Variants in ADAMTS6 observed in about 807,000 individuals in gnomAD.
ADAMTS6 encodes the protein A disintegrin and metalloproteinase with thrombospondin motifs 6.
A neutral mutation model predicts 144.3 loss-of-function variants in ADAMTS6; 23 were observed. The ratio of observed to expected loss-of-function variants is 0.16; its 90% CI spans 0.11 to 0.23. The LOEUF (loss-of-function observed/expected upper bound fraction) is 0.23. ADAMTS6 is among the 10% of genes least tolerant of loss of function. ADAMTS6 has a pLI of 1.00. For synonymous variants in ADAMTS6, 444 were observed against 457.5 expected (o/e 0.97, Z 0.38); for missense variants, 999 against 1,379.6 (o/e 0.72, Z 4.37).
chr5:65,230,144 C>G (rs1459095441), intron 15 of ADAMTS6, among the ~76,000 whole-genome samples: 1 of 151,154 alleles, frequency 6.6e-6, no homozygotes, highest in Non-Finnish European at 1.5e-5. Context: ...TAGACTGTAA[C>G]ATGAAAAATA....
At chr5:65,269,130 T>A (rs1761862652) in intron 12 of ADAMTS6, among the ~76,000 whole-genome samples, 2 of 152,180 alleles carry the variant, frequency 1.3e-5, no homozygotes, top group Non-Finnish European at 2.9e-5. Flanking sequence ...TGCCAAAGAA[T>A]TTTCTGCCCA....
In ADAMTS6 at chr5:65,291,364, G is replaced by A. The variant is rs775609718; in HGVS notation, c.1477C>T (p.Gln493Ter). 1 of 1,613,874 alleles carries A rather than the reference G, an allele frequency of 6.2e-7. No individual in the cohort carries two copies. Among genetic ancestry groups the A allele is most frequent in the Non-Finnish European group, 8.5e-7 (1 of 1,179,866 alleles). ...VYDADEQCRF[Q>*]YGATSRQCKY... ...CATTGGCGGGAGGTTGCTCCATACTGGAAACGACATTGCTCATCAGCATCA... is the reference window on the plus strand; with the variant it reads ...CATTGGCGGGAGGTTGCTCCATACTAGAAACGACATTGCTCATCAGCATCA... The change falls in exon 11 of 25, where the codon CAG (glutamine) becomes TAG (stop). Residue 493 changes from glutamine (Q) to a stop codon, truncating the protein, a stop_gained. Coordinates refer to ENST00000381055, the MANE Select transcript of ADAMTS6 (RefSeq NM_197941.4). LOFTEE classifies it high-confidence loss of function.
chr5:65,212,948 T>C (rs1321253806), intron 20 of ADAMTS6, among the ~76,000 whole-genome samples: 1 of 152,220 alleles, frequency 6.6e-6, no homozygotes, highest in Non-Finnish European at 1.5e-5. Context: ...TCTAGAAGAC[T>C]TTTTGTTGGA....
At chr5:65,397,204 A>G (rs1453602862) in intron 7 of ADAMTS6, among the ~76,000 whole-genome samples, 1 of 152,116 alleles carries the variant, frequency 6.6e-6, no homozygotes, top group Admixed American at 6.6e-5. Flanking sequence ...TTCTAGTATT[A>G]GTAATCTGCG....
intron 7 of ADAMTS6, among the ~76,000 whole-genome samples, chr5:65,353,825 A>G (rs1749073818): frequency 6.6e-6 from 1 of 151,928 alleles, no homozygotes; most frequent in Admixed American, 6.6e-5. Flanking sequence ...TAGGCAATGG[A>G]AACTTTAGTG....
intron 4 of ADAMTS6, among the ~76,000 whole-genome samples, chr5:65,457,735 T>A (rs936416346): frequency 2.6e-5 from 3 of 114,904 alleles, no homozygotes; most frequent in African/African-American, 1.1e-4. Flanking sequence ...CCTAGTTTTT[T>A]TCTTTCTTTC....
chr5:65,481,187 T>C (rs986621004), intron 1 of ADAMTS6, among the ~76,000 whole-genome samples, 156 bp downstream of exon 1: 9 of 140,720 alleles, frequency 6.4e-5, no homozygotes, highest in African/African-American at 2.1e-4. Context: ...ATTTGTAAAA[T>C]GAGTTCAGTC....
At chr5:65,462,659 A>T (rs1395556520) in intron 3 of ADAMTS6, among the ~76,000 whole-genome samples, 1 of 151,974 alleles carries the variant, frequency 6.6e-6, no homozygotes, top group Non-Finnish European at 1.5e-5. Flanking sequence ...GTATTTATTT[A>T]TTTTTTCACA....
chr5:65,214,546 G>A lies in ADAMTS6; in HGVS notation c.2575+248C>T, dbSNP rs896203482. On this transcript the variant is annotated intron_variant, in intron 20 of 24. Transcript: ENST00000381055. This position sits in a 1 kb window ranked among gnomAD's most constrained non-coding sequence, Gnocchi z 4.6. The stretch of plus-strand genomic sequence containing the variant: ...GCCCACCTTCAAGATAGTCTTGGGA[G>A]AAGCACCAGCAGAGACACTCATTGT... The A allele has an allele frequency of 3.6e-6, 2 of 551,664 alleles. No homozygotes were observed. The highest frequency in any genetic ancestry group is 3.8e-5 in the African/African-American group (2 of 52,788). 34.2% of individuals were successfully genotyped at this position (551,664 alleles called of 1,614,324 possible). A position where few individuals can be genotyped will look rare whatever the true frequency, so the allele number is the denominator to read the frequency against.
Position 65,262,921 on chromosome 5 carries a change from G to T in ADAMTS6, c.1662C>A (p.Pro554=). 2 of 1,613,608 alleles carry T rather than the reference G, an allele frequency of 1.2e-6. No individual in the cohort carries two copies. Among genetic ancestry groups the T allele is most frequent in the Non-Finnish European group, 1.7e-6 (2 of 1,179,814 alleles). ...GACCCCAGCCCCCATCTATGCTCTG[G>T]GGCCAAGTGCCAAAAGGAACACAAT... ...QGDCVPFGTW[P]QSIDGGWGPW... is the part of the protein sequence containing the mutation. The change falls in exon 13 of 25, where the codon CCC becomes CCA. Residue 554 remains proline, a synonymous_variant. Coordinates refer to ENST00000381055, the MANE Select transcript of ADAMTS6 (RefSeq NM_197941.4).
At chr5:65,192,860 C>G (rs993140947) in intron 21 of ADAMTS6, among the ~76,000 whole-genome samples, 10 of 151,868 alleles carry the variant, frequency 6.6e-5, no homozygotes, top group Admixed American at 6.6e-4. Context: ...CCTGTTTTGT[C>G]TATTTTTCCT....
intron 24 of ADAMTS6, among the ~76,000 whole-genome samples, chr5:65,154,944 G>C (rs556445607): frequency 1.3e-5 from 2 of 152,260 alleles, no homozygotes; most frequent in South Asian, 4.1e-4. Context: ...GGGCAGGAGT[G>C]GGGAAAGACC....
chr5:65,248,996 T>C (rs1302790216), intron 14 of ADAMTS6, among the ~76,000 whole-genome samples: 1 of 152,010 alleles, frequency 6.6e-6, no homozygotes, highest in African/African-American at 2.4e-5. Flanking sequence ...ACCAAGATAT[T>C]GTTCCTGTTT....
intron 9 of ADAMTS6, among the ~76,000 whole-genome samples, chr5:65,328,894 T>G (rs565923883): frequency 8.4e-4 from 125 of 149,030 alleles, no homozygotes; most frequent in Non-Finnish European, 1.7e-3. Context: ...CTTCTTGCAG[T>G]TTTTTTTTTC....
chr5:65,178,080 T>C (rs1754093691), intron 22 of ADAMTS6, among the ~76,000 whole-genome samples: 1 of 152,168 alleles, frequency 6.6e-6, no homozygotes, highest in South Asian at 2.1e-4. Context: ...AGCTTAAGAA[T>C]TGTCAAGAGC....
chr5:65,278,636 G>A (rs919467791), intron 11 of ADAMTS6, among the ~76,000 whole-genome samples: 1 of 152,092 alleles, frequency 6.6e-6, no homozygotes, highest in Non-Finnish European at 1.5e-5. Flanking sequence ...TTGTTTAGTT[G>A]TATCTGTGTT....
chr5:65,216,542 T>C (rs1756931558), intron 18 of ADAMTS6, among the ~76,000 whole-genome samples: 2 of 152,094 alleles, frequency 1.3e-5, no homozygotes, highest in African/African-American at 4.8e-5. Flanking sequence ...AAATGGTTAA[T>C]TTTATGTAAT....
At chr5:65,380,565 G>A (rs1751961129) in intron 7 of ADAMTS6, among the ~76,000 whole-genome samples, 1 of 152,090 alleles carries the variant, frequency 6.6e-6, no homozygotes, top group African/African-American at 2.4e-5. Flanking sequence ...AAAAAAGTCA[G>A]ACTCTGTCTC....
chr5:65,291,253 T>C (rs1742271907), intron 11 of ADAMTS6, 76 bp downstream of exon 11: 2 of 1,509,552 alleles, frequency 1.3e-6, no homozygotes, highest in Non-Finnish European at 1.8e-6. Flanking sequence ...CCGACATTCA[T>C]CGTAATTCCA....
Sources: allele counts gnomAD v4.1 joint callset (sites outside exome capture counted in the v4.1 genomes callset), GRCh38; gene constraint gnomAD v4.1.1; non-coding constraint Gnocchi (gnomAD v3.1); transcripts MANE v1.5; gene names NCBI Gene and HGNC (gene_info 2026-07-23, HGNC 2026-07-21).